Variants in KCNB2 observed in about 807,000 individuals in gnomAD.
KCNB2 encodes the protein potassium voltage-gated channel subfamily B member 2.
KCNB2 carries 15 observed loss-of-function variants against 61.5 expected under a neutral mutation model. That is an observed-to-expected ratio of 0.24 (90% CI 0.16 to 0.38). The LOEUF is 0.38. Ranked by LOEUF, KCNB2 falls within the 10% of genes least tolerant of loss-of-function variation. The pLI, the probability that KCNB2 is intolerant of heterozygous loss-of-function variation, is 1.00. For synonymous variants in KCNB2, 457 were observed against 446.0 expected (o/e 1.02, Z -0.31); for missense variants, 828 against 1,125.2 (o/e 0.74, Z 3.78).
At position 72,557,161 on chromosome 8, in the gene KCNB2, C is replaced by T. The variant is rs531426863; in HGVS notation, c.-93-10481C>T. Among the ~76,000 whole-genome samples, 4 of 152,276 alleles carry T rather than the reference C, an allele frequency of 2.6e-5. No individual in the cohort carries two copies. The South Asian group carries it at 8.3e-4, about 32-fold the overall frequency. ...GGATGCAAGCATTCAGACCATAGTACATGGCCACCTGTGTATTGTGATTAG... is the reference window on the plus strand; with the variant it reads ...GGATGCAAGCATTCAGACCATAGTATATGGCCACCTGTGTATTGTGATTAG... On this transcript the variant is annotated intron_variant, in intron 1 of 2. Transcript: ENST00000523207.
intron 2 of KCNB2, among the ~76,000 whole-genome samples, chr8:72,681,266 G>GA (rs763673203): frequency 9.2e-5 from 14 of 151,888 alleles, no homozygotes; most frequent in Non-Finnish European, 1.2e-4. Flanking sequence ...CTTTAGAATA[G>GA]AAAAAAGACA....
intron 2 of KCNB2, among the ~76,000 whole-genome samples, chr8:72,799,225 T>A (rs971516939): frequency 6.6e-6 from 1 of 152,150 alleles, no homozygotes; most frequent in African/African-American, 2.4e-5. Flanking sequence ...AGAGAATAAG[T>A]TTTTCCTACA....
intron 2 of KCNB2, among the ~76,000 whole-genome samples, chr8:72,864,733 G>A (rs867357602): frequency 6.6e-6 from 1 of 152,168 alleles, no homozygotes; most frequent in Admixed American, 6.5e-5. Flanking sequence ...GTTATATAGA[G>A]TGCATTCCAG....
chr8:72,906,263 A>G (rs931561849), intron 2 of KCNB2, among the ~76,000 whole-genome samples: 1 of 152,144 alleles, frequency 6.6e-6, no homozygotes, highest in Non-Finnish European at 1.5e-5. Context: ...TTATTTAGCC[A>G]TGTATAGTTT....
intron 2 of KCNB2, among the ~76,000 whole-genome samples, chr8:72,597,846 G>A (rs1002242177): frequency 2.0e-5 from 3 of 152,152 alleles, no homozygotes; most frequent in African/African-American, 4.8e-5. Flanking sequence ...TAATGAGGTT[G>A]CAGAGAAAAA....
chr8:72,716,182 C>A (rs1807435960), intron 2 of KCNB2, among the ~76,000 whole-genome samples: 2 of 152,036 alleles, frequency 1.3e-5, no homozygotes, highest in Admixed American at 1.3e-4. Context: ...AGCTTAGCAA[C>A]CAAAAAAAGT....
intron 1 of KCNB2, among the ~76,000 whole-genome samples, chr8:72,545,023 C>T (rs1806238717): frequency 6.6e-6 from 1 of 152,128 alleles, no homozygotes; most frequent in Non-Finnish European, 1.5e-5. Flanking sequence ...ATTTCTGTAT[C>T]ATGGAAAGGG....
At chr8:72,767,784 A>C (rs181610189) in intron 2 of KCNB2, among the ~76,000 whole-genome samples, 19 of 152,338 alleles carry the variant, frequency 1.2e-4, no homozygotes, top group Non-Finnish European at 2.2e-4. Context: ...ATTTTGAGGA[A>C]CTGACAAATT....
At chr8:72,695,582 G>A (rs1039873436) in intron 2 of KCNB2, among the ~76,000 whole-genome samples, 1 of 152,066 alleles carries the variant, frequency 6.6e-6, no homozygotes, top group Non-Finnish European at 1.5e-5. Flanking sequence ...ATCTATATTG[G>A]ACATCTCCTC....
intron 2 of KCNB2, among the ~76,000 whole-genome samples, chr8:72,623,470 T>C (rs138458272): frequency 0.015 from 2,248 of 152,302 alleles, 45 homozygotes; most frequent in African/African-American, 0.052. Context: ...GGCTGTGATC[T>C]GCAGTTTCTG....
intron 2 of KCNB2, among the ~76,000 whole-genome samples, chr8:72,714,008 T>A (rs1351798286): frequency 6.6e-6 from 1 of 152,126 alleles, no homozygotes; most frequent in African/African-American, 2.4e-5. Context: ...AACTACATGA[T>A]GAATGCACAA....
intron 2 of KCNB2, among the ~76,000 whole-genome samples, chr8:72,775,764 G>T (rs1010753534): frequency 4.6e-5 from 7 of 151,558 alleles, no homozygotes; most frequent in African/African-American, 1.7e-4. Flanking sequence ...GAATAGCCAG[G>T]TAGGCCACAT....
chr8:72,930,806 A>T (rs1160514742), intron 2 of KCNB2, among the ~76,000 whole-genome samples: 1 of 152,066 alleles, frequency 6.6e-6, no homozygotes, highest in Non-Finnish European at 1.5e-5. Flanking sequence ...GTTTAATTAG[A>T]TCCCATTTGT....
chr8:72,677,053 G>T (rs1255697816), intron 2 of KCNB2, among the ~76,000 whole-genome samples: 4 of 151,984 alleles, frequency 2.6e-5, no homozygotes, highest in African/African-American at 7.3e-5. Context: ...AGTAGGGTGG[G>T]CCCCTAAACC....
chr8:72,859,796 C>T (rs56027925), intron 2 of KCNB2, among the ~76,000 whole-genome samples: 32,364 of 144,952 alleles, frequency 0.22, 3,906 homozygotes, highest in Non-Finnish European at 0.28. Flanking sequence ...CTCAGCTCAC[C>T]GCAACCTCCG....
intron 2 of KCNB2, among the ~76,000 whole-genome samples, chr8:72,919,741 A>C (rs1164365131): frequency 6.6e-6 from 1 of 152,208 alleles, no homozygotes; most frequent in African/African-American, 2.4e-5. Context: ...TAAACATGAA[A>C]ATGTTTAGGC....
At chr8:72,674,560 C>T (rs1806618781) in intron 2 of KCNB2, among the ~76,000 whole-genome samples, 1 of 152,126 alleles carries the variant, frequency 6.6e-6, no homozygotes, top group Non-Finnish European at 1.5e-5. Context: ...AAAAAGATGC[C>T]TTGTAAATAT....
chr8:72,690,867 G>C (rs1406557748), intron 2 of KCNB2, among the ~76,000 whole-genome samples: 3 of 152,160 alleles, frequency 2.0e-5, no homozygotes, highest in African/African-American at 7.2e-5. Flanking sequence ...AAATCAGAAA[G>C]GGACGGTTGA....
intron 1 of KCNB2, among the ~76,000 whole-genome samples, chr8:72,550,115 G>A (rs1806321496): frequency 1.3e-5 from 2 of 152,176 alleles, no homozygotes; most frequent in Admixed American, 1.3e-4. Flanking sequence ...AGATGACAAT[G>A]GATGATTCCA....
Sources: gnomAD v4.1 joint callset for allele counts (sites outside exome capture counted in the v4.1 genomes callset) on GRCh38, gnomAD v4.1.1 for gene constraint, MANE v1.5 for transcripts, NCBI Gene and HGNC (gene_info 2026-07-23, HGNC 2026-07-21) for gene names.